Variants in SLC35F1 observed in about 807,000 individuals in gnomAD.
SLC35F1 encodes solute carrier family 35 member F1, also known as chromosome 6 open reading frame 169.
A neutral mutation model predicts 48.7 loss-of-function variants in SLC35F1; 14 were observed. The ratio of observed to expected loss-of-function variants is 0.29; its 90% CI spans 0.19 to 0.45. The LOEUF (loss-of-function observed/expected upper bound fraction) is 0.45. Among genes scored for constraint, SLC35F1 ranks in the 20% least tolerant of loss-of-function variants. The pLI, the probability that SLC35F1 is intolerant of heterozygous loss-of-function variation, is 1.00. For synonymous variants in SLC35F1, 190 were observed against 202.2 expected (o/e 0.94, Z 0.51); for missense variants, 404 against 500.0 (o/e 0.81, Z 1.83).
At chr6:117,999,251 C>T (rs1777048793) in intron 1 of SLC35F1, 9 of 1,596,124 alleles carry the variant, frequency 5.6e-6, no homozygotes, top group African/African-American at 1.3e-5. Flanking sequence ...CAGCTGCAAG[C>T]TCGATCGACA....
At chr6:118,261,000 A>G (rs1456834705) in intron 3 of SLC35F1, among the ~76,000 whole-genome samples, 1 of 152,224 alleles carries the variant, frequency 6.6e-6, no homozygotes, top group Non-Finnish European at 1.5e-5. Flanking sequence ...GATGAGGCCA[A>G]CTGGCACTTG....
chr6:118,103,790 C>T lies in SLC35F1; in HGVS notation c.174-50655C>T, dbSNP rs559862490. ...GTTTACTGTTGCAGCTTTTCTAAAC[C>T]CAGATGATTGTTCAGGCAACCTTGA... On this transcript the variant is annotated intron_variant, in intron 1 of 7. Transcript: ENST00000360388. Among the ~76,000 whole-genome samples, 47 of 152,238 alleles carry T rather than the reference C, an allele frequency of 3.1e-4. 1 individual carries two copies. In the South Asian group the frequency reaches 8.1e-3, roughly 26 times the overall value.
At chr6:118,157,157 A>T (rs952450122) in intron 2 of SLC35F1, among the ~76,000 whole-genome samples, 1 of 152,148 alleles carries the variant, frequency 6.6e-6, no homozygotes, top group African/African-American at 2.4e-5. Context: ...CTGCTTGAGG[A>T]TATAGGAGAG....
chr6:117,921,243 A>G (rs1290037348), intron 1 of SLC35F1, among the ~76,000 whole-genome samples: 5 of 152,220 alleles, frequency 3.3e-5, no homozygotes, highest in African/African-American at 9.6e-5. Flanking sequence ...TTGGAGTCAC[A>G]CTGAATTGAT....
At chr6:118,078,341 AAG>A (rs975515264) in intron 1 of SLC35F1, among the ~76,000 whole-genome samples, 4 of 152,146 alleles carry the variant, frequency 2.6e-5, no homozygotes, top group African/African-American at 7.2e-5. Context: ...GCAATTTGGA[AAG>A]AGAGGCAAAT....
At chr6:118,227,981 A>G (rs1001380934) in intron 2 of SLC35F1, among the ~76,000 whole-genome samples, 2 of 152,200 alleles carry the variant, frequency 1.3e-5, no homozygotes, top group African/African-American at 4.8e-5. Context: ...GGAATCATTA[A>G]TAGTAGAAAG....
At position 118,015,002 on chromosome 6, in the gene SLC35F1, G is replaced by A. The variant is rs139240748; in HGVS notation, c.173+107103G>A. ...AGCTAAAGATAATTGAATCACAGGG[G>A]CAGTTCCCCCATACTGTTCTCATGG... On this transcript the variant is annotated intron_variant, in intron 1 of 7. Transcript: ENST00000360388. 8.5e-3 allele frequency among the ~76,000 whole-genome samples: 1,287 copies of A among 152,242 alleles called. 10 individuals are homozygous for A. The highest frequency in any genetic ancestry group is 0.014 in the Middle Eastern group (4 of 294).
intron 1 of SLC35F1, among the ~76,000 whole-genome samples, chr6:117,983,151 A>G (rs554224306): frequency 6.6e-6 from 1 of 152,214 alleles, no homozygotes; most frequent in South Asian, 2.1e-4. Flanking sequence ...CCTTTACTGC[A>G]CTCTGTCAAT....
intron 1 of SLC35F1, among the ~76,000 whole-genome samples, chr6:117,975,509 C>T (rs1328501418): frequency 1.3e-5 from 2 of 152,168 alleles, no homozygotes; most frequent in Non-Finnish European, 2.9e-5. Context: ...TATGATCTCC[C>T]TCCCACTTTG....
At chr6:118,112,195 C>A (rs1773417470) in intron 1 of SLC35F1, among the ~76,000 whole-genome samples, 1 of 151,264 alleles carries the variant, frequency 6.6e-6, no homozygotes, top group Admixed American at 6.6e-5. Flanking sequence ...GTGGCACGAT[C>A]TCGGCTCACT....
chr6:117,986,419 G>T (rs1368193692), intron 1 of SLC35F1, among the ~76,000 whole-genome samples: 1 of 152,168 alleles, frequency 6.6e-6, no homozygotes, highest in African/African-American at 2.4e-5. Context: ...TTATTAATCA[G>T]TTTTACTTTT....
At chr6:117,933,863 A>T (rs1776132551) in intron 1 of SLC35F1, among the ~76,000 whole-genome samples, 1 of 152,116 alleles carries the variant, frequency 6.6e-6, no homozygotes, top group Non-Finnish European at 1.5e-5. Context: ...GTGAGAACGT[A>T]GAGCTCAGTG....
intron 1 of SLC35F1, among the ~76,000 whole-genome samples, chr6:118,093,725 A>G (rs1773109758): frequency 6.6e-6 from 1 of 152,224 alleles, no homozygotes; most frequent in Non-Finnish European, 1.5e-5. Context: ...AGAATGGACT[A>G]AAATACACCA....
intron 2 of SLC35F1, among the ~76,000 whole-genome samples, chr6:118,204,983 A>AC (rs1435338941): frequency 2.0e-5 from 3 of 152,214 alleles, no homozygotes; most frequent in African/African-American, 7.2e-5. Flanking sequence ...ACAGAAAGCT[A>AC]CGCTGGAGCT....
chr6:118,040,155 C>T (rs899722478), intron 1 of SLC35F1, among the ~76,000 whole-genome samples: 3 of 152,116 alleles, frequency 2.0e-5, no homozygotes, highest in Non-Finnish European at 4.4e-5. Context: ...TCTGGGATTT[C>T]TCTCCCACCC....
At chr6:118,130,478 C>T (rs1773694310) in intron 1 of SLC35F1, among the ~76,000 whole-genome samples, 2 of 151,988 alleles carry the variant, frequency 1.3e-5, no homozygotes, top group African/African-American at 4.8e-5. Flanking sequence ...CTCAAACAAA[C>T]AAAACAAACG....
intron 2 of SLC35F1, among the ~76,000 whole-genome samples, chr6:118,171,973 A>G (rs1354931742): frequency 6.6e-6 from 1 of 152,206 alleles, no homozygotes; most frequent in Non-Finnish European, 1.5e-5. Flanking sequence ...ATAGGAATTT[A>G]TACCATCCAT....
intron 1 of SLC35F1, among the ~76,000 whole-genome samples, chr6:117,986,452 A>G (rs1776848949): frequency 6.6e-6 from 1 of 152,218 alleles, no homozygotes; most frequent in Non-Finnish European, 1.5e-5. Flanking sequence ...GGAAAAACTT[A>G]CTAAGGATAT....
intron 1 of SLC35F1, among the ~76,000 whole-genome samples, chr6:118,018,279 G>A (rs9398475): frequency 0.22 from 33,917 of 151,902 alleles, 3,999 homozygotes; most frequent in East Asian, 0.37. Context: ...GTTGAGGCAG[G>A]AGAATTGCTT....
Sources: gnomAD v4.1 joint callset for allele counts (sites outside exome capture counted in the v4.1 genomes callset) on GRCh38, gnomAD v4.1.1 for gene constraint, MANE v1.5 for transcripts, NCBI Gene and HGNC (gene_info 2026-07-23, HGNC 2026-07-21) for gene names.